BMAL1: variants seen among roughly 807,000 people sequenced by gnomAD.
BMAL1 encodes the protein basic helix-loop-helix ARNT like 1, also known as basic helix-loop-helix ARNT-like protein 1.
chr11:13,357,042 T>C, the BMAL1 span: 4 of 1,614,122 alleles, frequency 2.5e-6, no homozygotes, highest in African/African-American at 5.3e-5. This position sits in a 1 kb window ranked among gnomAD's most constrained non-coding sequence, Gnocchi z 4.8. Context: ...CTTTTGCTTT[T>C]TCCTCCCCCC....
At chr11:13,356,737 A>G in the BMAL1 span, 1 of 1,613,980 alleles carries the variant, frequency 6.2e-7, no homozygotes, top group Non-Finnish European at 8.5e-7. Context: ...TTGTTTTTTC[A>G]GAGAAAGCAT....
chr11:13,333,055 C>T, the BMAL1 span, among the ~76,000 whole-genome samples: 2 of 151,700 alleles, frequency 1.3e-5, no homozygotes, highest in Non-Finnish European at 2.9e-5. Flanking sequence ...CAGCCTCTGC[C>T]TGCTGGGTTC....
At chr11:13,277,522 C>G in the BMAL1 span, 12 of 152,222 alleles carry the variant, frequency 7.9e-5, no homozygotes, top group African/African-American at 2.7e-4. Context: ...AGCAGGTAAA[C>G]CGGCTCCCGC....
chr11:13,303,198 CG>C, the BMAL1 span, among the ~76,000 whole-genome samples: 3 of 152,160 alleles, frequency 2.0e-5, no homozygotes, highest in Non-Finnish European at 1.5e-5. Flanking sequence ...TGGGCTTAAG[CG>C]GGCCTTTCTA....
the BMAL1 span, among the ~76,000 whole-genome samples, chr11:13,322,167 A>G: frequency 6.6e-6 from 1 of 152,152 alleles, no homozygotes; most frequent in African/African-American, 2.4e-5. Context: ...GGCTAAGAGG[A>G]CCTGCTTCCC....
the BMAL1 span, among the ~76,000 whole-genome samples, chr11:13,366,120 C>T: frequency 6.6e-6 from 1 of 152,226 alleles, no homozygotes; most frequent in East Asian, 1.9e-4. Flanking sequence ...TTCATTCACT[C>T]ACACACTGGT....
the BMAL1 span, among the ~76,000 whole-genome samples, chr11:13,287,085 T>C: frequency 2.0e-5 from 3 of 152,214 alleles, no homozygotes; most frequent in Admixed American, 2.0e-4. Context: ...TTTAACCAAC[T>C]ACCACCCTCC....
the BMAL1 span, among the ~76,000 whole-genome samples, chr11:13,364,259 T>A: frequency 6.6e-6 from 1 of 152,228 alleles, no homozygotes; most frequent in Admixed American, 6.5e-5. Flanking sequence ...CTTAGGGACC[T>A]AACTTAGGAA....
chr11:13,335,687 A>G, the BMAL1 span, among the ~76,000 whole-genome samples: 1 of 152,240 alleles, frequency 6.6e-6, no homozygotes, highest in African/African-American at 2.4e-5. Context: ...TGTTTTTAAT[A>G]TATACTGAAT....
the BMAL1 span, among the ~76,000 whole-genome samples, chr11:13,327,653 T>C: frequency 6.6e-6 from 1 of 152,184 alleles, no homozygotes; most frequent in Non-Finnish European, 1.5e-5. Flanking sequence ...GCTTGGACAA[T>C]TTTTTCTGAT....
At chr11:13,366,601 C>G in the BMAL1 span, 5 of 1,406,304 alleles carry the variant, frequency 3.6e-6, no homozygotes, top group Non-Finnish European at 5.0e-6. Flanking sequence ...TGCATGCTTA[C>G]TTGTTGCATA....
the BMAL1 span, chr11:13,385,739 C>T: frequency 6.2e-7 from 1 of 1,613,762 alleles, no homozygotes; most frequent in Non-Finnish European, 8.5e-7. Flanking sequence ...TACTATCAGG[C>T]CAGGCTCAGG....
At chr11:13,334,259 C>T in the BMAL1 span, among the ~76,000 whole-genome samples, 1 of 152,220 alleles carries the variant, frequency 6.6e-6, no homozygotes, top group Admixed American at 6.5e-5. Flanking sequence ...ATCTTACAGC[C>T]TTTCCTGCAT....
At chr11:13,332,692 A>G in the BMAL1 span, among the ~76,000 whole-genome samples, 1 of 152,170 alleles carries the variant, frequency 6.6e-6, no homozygotes, top group African/African-American at 2.4e-5. Context: ...TTGCTCTTGA[A>G]CATTTCACTG....
the BMAL1 span, among the ~76,000 whole-genome samples, chr11:13,338,878 G>A: frequency 6.6e-6 from 1 of 152,254 alleles, no homozygotes; most frequent in African/African-American, 2.4e-5. Context: ...ACGGGACGTG[G>A]TCAGTGTTCA....
At chr11:13,354,621 CAAG>C in the BMAL1 span, 2 of 796,038 alleles carry the variant, frequency 2.5e-6, no homozygotes, top group South Asian at 3.8e-5. Context: ...AGTTTGTAAG[CAAG>C]AAGGAGCCTT....
the BMAL1 span, among the ~76,000 whole-genome samples, chr11:13,309,309 A>G: frequency 1.3e-5 from 2 of 152,224 alleles, no homozygotes; most frequent in East Asian, 3.9e-4. Context: ...GGGGGAAACC[A>G]TGCAAGCTGA....
chr11:13,380,832 G>C, the BMAL1 span: 1 of 188,296 alleles, frequency 5.3e-6, no homozygotes, highest in Non-Finnish European at 1.1e-5. Context: ...CAAGGGCTTT[G>C]TCAGTGAGAT....
At chr11:13,315,131 G>A in the BMAL1 span, among the ~76,000 whole-genome samples, 1 of 152,140 alleles carries the variant, frequency 6.6e-6, no homozygotes, top group Admixed American at 6.5e-5. Context: ...CAGCACCGAG[G>A]TGTCCTGCAG....
Sources: allele counts gnomAD v4.1 joint callset (sites outside exome capture counted in the v4.1 genomes callset), GRCh38; gene constraint gnomAD v4.1.1; non-coding constraint Gnocchi (gnomAD v3.1); transcripts MANE v1.5; gene names NCBI Gene and HGNC (gene_info 2026-07-23, HGNC 2026-07-21).